The following KLHL29 variants were observed in gnomAD, a reference collection of about 807,000 sequenced individuals.
KLHL29 encodes kelch like family member 29.
Under a neutral mutation model 80.4 loss-of-function variants are expected in KLHL29, and 21 were observed. The observed-to-expected ratio is 0.26, with a 90% CI of 0.19 to 0.38. The LOEUF is 0.38. Ranked by LOEUF, KLHL29 falls within the 10% of genes least tolerant of loss-of-function variation. The probability of loss-of-function intolerance (pLI) is 1.00; values close to 1 mark genes in which losing one functional copy is unlikely to be tolerated. For synonymous variants in KLHL29, 511 were observed against 526.8 expected (o/e 0.97, Z 0.41); for missense variants, 867 against 1,223.9 (o/e 0.71, Z 4.35).
intron 1 of KLHL29, 21 bp from the exon 2 acceptor site, chr2:23,475,539 T>G (rs1343356565): frequency 6.0e-6 from 1 of 166,538 alleles, no homozygotes; most frequent in African/African-American, 2.4e-5. Flanking sequence ...CCTACCCCAC[T>G]GTTTTTCCCT....
In KLHL29 at chr2:23,703,866, G is replaced by A. The variant is rs1013906186; in HGVS notation, c.2444+3G>A. Reference sequence around the variant, plus strand: ...AACCACTCTCGCCAGTTCTGCAGGTGAGAGGCTGCGGCGCCTTGACTAGGG... The same window carrying A: ...AACCACTCTCGCCAGTTCTGCAGGTAAGAGGCTGCGGCGCCTTGACTAGGG... On this transcript the variant is annotated splice_donor_region_variant and intron_variant, in intron 13 of 13. Coordinates refer to ENST00000486442, the MANE Select transcript of KLHL29 (RefSeq NM_052920.2). The A allele has an allele frequency of 6.5e-7, 1 of 1,535,276 alleles. No homozygotes were observed. The highest frequency in any genetic ancestry group is 8.7e-7 in the Non-Finnish European group (1 of 1,145,950).
intron 2 of KLHL29, among the ~76,000 whole-genome samples, chr2:23,537,686 C>T (rs1666715317): frequency 6.6e-6 from 1 of 152,172 alleles, no homozygotes; most frequent in African/African-American, 2.4e-5. Flanking sequence ...GTTCATCGCT[C>T]TTTGCTGAGA....
At chr2:23,420,789 A>ATT (rs1662776559) in intron 1 of KLHL29, among the ~76,000 whole-genome samples, 1 of 152,114 alleles carries the variant, frequency 6.6e-6, no homozygotes, top group African/African-American at 2.4e-5. Context: ...GCTGAGGCCC[A>ATT]TCTGTCAGCG....
At chr2:23,428,690 C>G (rs56097041) in intron 1 of KLHL29, among the ~76,000 whole-genome samples, 1 of 152,074 alleles carries the variant, frequency 6.6e-6, no homozygotes, top group Non-Finnish European at 1.5e-5. Context: ...CATTTGTGGC[C>G]GAGTGGTGAA....
At chr2:23,675,641 A>G (rs1480100557) in intron 5 of KLHL29, among the ~76,000 whole-genome samples, 2 of 152,214 alleles carry the variant, frequency 1.3e-5, no homozygotes, top group Non-Finnish European at 2.9e-5. Flanking sequence ...ACTTCTTCCC[A>G]GGAAGGCCAT....
chr2:23,526,286 CAGG>C lies in KLHL29; in HGVS notation c.-45-35865_-45-35863del, dbSNP rs769936185. On this transcript the variant is annotated intron_variant, in intron 2 of 13. Coordinates refer to ENST00000486442, the MANE Select transcript of KLHL29 (RefSeq NM_052920.2). ...ACGTGGGCGGTCGGAGGAAGCGTCA[CAGG>C]GGAGGGGAAACCAGAGCTGTGGTCA... is the stretch of plus-strand genomic sequence containing the variant. 7.3e-5 allele frequency among the ~76,000 whole-genome samples: 11 copies of C among 151,088 alleles called. No individual in the cohort carries two copies. In the East Asian group the frequency reaches 1.6e-3, roughly 22 times the overall value.
In KLHL29 at chr2:23,567,247, T is replaced by C. The variant is rs148092054; in HGVS notation, c.285+4766T>C. On this transcript the variant is annotated intron_variant, in intron 3 of 13. Transcript: ENST00000486442. Reference sequence around the variant, plus strand: ...ACGGCTTCATAAAATGCAATTTTGTTCCTGAAAGAATGGACTCTGCAGAAT... The same window carrying C: ...ACGGCTTCATAAAATGCAATTTTGTCCCTGAAAGAATGGACTCTGCAGAAT... Among the ~76,000 whole-genome samples the C allele has an allele frequency of 1.3e-4, 20 of 152,360 alleles. No homozygotes were observed. In the East Asian group the frequency reaches 3.3e-3, roughly 25 times the overall value.
At chr2:23,703,505 G>T (rs1328530337) in intron 12 of KLHL29, 126 bp downstream of exon 12, 4 of 1,070,772 alleles carry the variant, frequency 3.7e-6, no homozygotes, top group Non-Finnish European at 5.2e-6. Context: ...TCTAGAGGGT[G>T]GCAGGAGTTG....
At chr2:23,556,481 A>AC (rs981541757) in intron 2 of KLHL29, among the ~76,000 whole-genome samples, 3 of 151,728 alleles carry the variant, frequency 2.0e-5, no homozygotes, top group African/African-American at 4.9e-5. Context: ...TCTACCAAAA[A>AC]AAAAACAAAA....
At chr2:23,612,678 G>A (rs1217682819) in intron 3 of KLHL29, among the ~76,000 whole-genome samples, 1 of 152,112 alleles carries the variant, frequency 6.6e-6, no homozygotes, top group Non-Finnish European at 1.5e-5. Context: ...GGAGGCTGAG[G>A]TTGCAGTGAG....
chr2:23,555,974 G>T (rs1171845517), intron 2 of KLHL29, among the ~76,000 whole-genome samples: 3 of 152,250 alleles, frequency 2.0e-5, no homozygotes, highest in African/African-American at 4.8e-5. Flanking sequence ...ACGCCAGCAT[G>T]TGGCTCTGAA....
chr2:23,539,370 GA>G (rs1357655757), intron 2 of KLHL29, among the ~76,000 whole-genome samples: 1 of 147,698 alleles, frequency 6.8e-6, no homozygotes. Context: ...CTGTATATAA[GA>G]AAAATGAGAC....
chr2:23,507,116 C>T (rs1463429391), intron 2 of KLHL29: 1 of 452,104 alleles, frequency 2.2e-6, no homozygotes, highest in Non-Finnish European at 4.7e-6. Context: ...ACATCGCTGC[C>T]TGGGTGGACC....
chr2:23,538,426 G>C (rs1267268286), intron 2 of KLHL29, among the ~76,000 whole-genome samples: 1 of 152,148 alleles, frequency 6.6e-6, no homozygotes, highest in Non-Finnish European at 1.5e-5. Context: ...TCTTTATCAA[G>C]ATGTCTAAAA....
At position 23,647,551 on chromosome 2, in the gene KLHL29, C is replaced by T. The variant is rs1357242755; in HGVS notation, c.940+4701C>T. ...TGTCCTCTGCTCTTCTGTACCCCCA[C>T]CACCCCACCATCAGGCCACCGTCAC... On this transcript the variant is annotated intron_variant, in intron 5 of 13. Transcript: ENST00000486442. The surrounding 1 kb of genome is among the most constrained non-coding windows in gnomAD (Gnocchi z 4.9). Among the ~76,000 whole-genome samples the T allele has an allele frequency of 2.6e-5, 4 of 152,178 alleles. No individual in the cohort carries two copies. Among genetic ancestry groups the T allele is most frequent in the South Asian group, 2.1e-4 (1 of 4,816 alleles).
chr2:23,401,487 G>A (rs868032861), intron 1 of KLHL29, among the ~76,000 whole-genome samples: 3 of 152,154 alleles, frequency 2.0e-5, no homozygotes, highest in Admixed American at 6.5e-5. Flanking sequence ...TGAGGTTGGC[G>A]GCACTGCTAT....
chr2:23,525,748 G>A (rs975333684), intron 2 of KLHL29, among the ~76,000 whole-genome samples: 3 of 123,350 alleles, frequency 2.4e-5, no homozygotes, highest in Non-Finnish European at 3.4e-5. Context: ...CACCCGAGGC[G>A]AGCCAGCAGA....
intron 2 of KLHL29, among the ~76,000 whole-genome samples, chr2:23,560,038 T>C (rs1485452073): frequency 1.3e-5 from 2 of 152,126 alleles, no homozygotes; most frequent in Non-Finnish European, 2.9e-5. Flanking sequence ...GCGGCATAAA[T>C]GTCCCCTTGG....
chr2:23,571,230 G>A (rs1309618472), intron 3 of KLHL29, among the ~76,000 whole-genome samples: 1 of 152,238 alleles, frequency 6.6e-6, no homozygotes, highest in Non-Finnish European at 1.5e-5. Flanking sequence ...GTTAGAAGTG[G>A]CCCTCAGACT....
Sources: gnomAD v4.1 joint callset for allele counts (sites outside exome capture counted in the v4.1 genomes callset) on GRCh38, gnomAD v4.1.1 for gene constraint, Gnocchi (gnomAD v3.1) non-coding constraint, MANE v1.5 for transcripts, NCBI Gene and HGNC (gene_info 2026-07-23, HGNC 2026-07-21) for gene names.